The following KCND2 variants were observed in gnomAD, a reference collection of about 807,000 sequenced individuals.
The protein encoded by KCND2 is A-type voltage-gated potassium channel KCND2.
In KCND2, 16 loss-of-function variants were observed where a neutral mutation model predicts 54.4. That is an observed-to-expected ratio of 0.29 (90% CI 0.20 to 0.45). The LOEUF is 0.45. KCND2 is among the 20% of genes least tolerant of loss of function. The probability of loss-of-function intolerance (pLI) is 1.00; values close to 1 mark genes in which losing one functional copy is unlikely to be tolerated. For synonymous variants in KCND2, 317 were observed against 310.7 expected, an observed-to-expected ratio of 1.02 and a Z score of -0.21; for missense variants, 486 against 824.2, an observed-to-expected ratio of 0.59 and a Z score of 5.02.
rs1799859158 is a variant in KCND2 at position 120,319,359 on chromosome 7, T to C, written c.1115+43612T>C. Among the ~76,000 whole-genome samples the C allele has an allele frequency of 2.0e-5, 3 of 152,030 alleles. No homozygotes were observed. In the South Asian group the frequency reaches 6.2e-4, roughly 31 times the overall value. On this transcript the variant is annotated intron_variant, in intron 1 of 5. Transcript: ENST00000331113. ...TACACATTTTCAAACAAATATCAAG[T>C]AAAAAATGGGACACATACCTTGCAT...
intron 1 of KCND2, among the ~76,000 whole-genome samples, chr7:120,571,928 T>C (rs1792370973): frequency 6.6e-6 from 1 of 152,222 alleles, no homozygotes; most frequent in South Asian, 2.1e-4. Flanking sequence ...CTGATTAGAA[T>C]GGTAAAACTA....
intron 1 of KCND2, among the ~76,000 whole-genome samples, chr7:120,304,406 T>C (rs939967693): frequency 6.6e-6 from 1 of 152,186 alleles, no homozygotes; most frequent in Non-Finnish European, 1.5e-5. Context: ...ATAAGATTTT[T>C]CTTGGTGAGA....
At chr7:120,445,507 G>C (rs1266684688) in intron 1 of KCND2, among the ~76,000 whole-genome samples, 1 of 152,036 alleles carries the variant, frequency 6.6e-6, no homozygotes, top group Non-Finnish European at 1.5e-5. Context: ...TGCTGGACCT[G>C]TTTCCTTATT....
chr7:120,529,956 C>A (rs548667016), intron 1 of KCND2, among the ~76,000 whole-genome samples: 1 of 152,100 alleles, frequency 6.6e-6, no homozygotes, highest in East Asian at 1.9e-4. Flanking sequence ...TCCTGTGGTC[C>A]CAGTTACTCA....
chr7:120,671,217 T>G (rs1791989663), intron 1 of KCND2, among the ~76,000 whole-genome samples: 1 of 152,084 alleles, frequency 6.6e-6, no homozygotes, highest in Non-Finnish European at 1.5e-5. Context: ...TCCGGTTTCG[T>G]GGAAGACAGT....
At chr7:120,710,848 G>A (rs1035197182) in intron 1 of KCND2, among the ~76,000 whole-genome samples, 1 of 152,030 alleles carries the variant, frequency 6.6e-6, no homozygotes, top group East Asian at 1.9e-4. Context: ...ATTCATTCTC[G>A]ATAAGCTCAC....
chr7:120,619,855 G>A (rs1277356459), intron 1 of KCND2, among the ~76,000 whole-genome samples: 2 of 152,012 alleles, frequency 1.3e-5, no homozygotes, highest in African/African-American at 4.8e-5. Flanking sequence ...ATGATCTTTT[G>A]AAAATTGAAT....
chr7:120,507,867 T>C (rs1361550718), intron 1 of KCND2, among the ~76,000 whole-genome samples: 1 of 151,854 alleles, frequency 6.6e-6, no homozygotes, highest in Non-Finnish European at 1.5e-5. Context: ...TTATTTCCTA[T>C]GTTTAAGTTG....
At chr7:120,638,752 CAA>C (rs138608785) in intron 1 of KCND2, among the ~76,000 whole-genome samples, 1,641 of 152,174 alleles carry the variant, frequency 0.011, 9 homozygotes, top group Non-Finnish European at 0.015. Context: ...CTCTGGAAAT[CAA>C]AAGAGTACTT....
chr7:120,686,963 G>GAGAT (rs1435653632), intron 1 of KCND2, among the ~76,000 whole-genome samples: 2 of 152,076 alleles, frequency 1.3e-5, no homozygotes, highest in Non-Finnish European at 2.9e-5. Context: ...TTATTTTAGA[G>GAGAT]AGATAGCATA....
chr7:120,690,259 A>C (rs936220680), intron 1 of KCND2, among the ~76,000 whole-genome samples: 1 of 152,220 alleles, frequency 6.6e-6, no homozygotes, highest in Non-Finnish European at 1.5e-5. Context: ...TACCTTCTTT[A>C]GAATGGCTTT....
chr7:120,479,770 A>G (rs1348322033), intron 1 of KCND2, among the ~76,000 whole-genome samples: 3 of 139,876 alleles, frequency 2.1e-5, no homozygotes, highest in Non-Finnish European at 4.6e-5. Flanking sequence ...CTCTAAATAT[A>G]TATATATATA....
chr7:120,440,418 T>C (rs1801930778), intron 1 of KCND2, among the ~76,000 whole-genome samples: 1 of 152,102 alleles, frequency 6.6e-6, no homozygotes, highest in Non-Finnish European at 1.5e-5. Context: ...GTTGCAAATA[T>C]TTTCTTCTAT....
At chr7:120,491,348 G>A (rs1175533597) in intron 1 of KCND2, among the ~76,000 whole-genome samples, 2 of 152,050 alleles carry the variant, frequency 1.3e-5, no homozygotes, top group Non-Finnish European at 2.9e-5. Flanking sequence ...CTAATGTGTT[G>A]TTCCTACGAA....
chr7:120,501,279 T>C (rs1395936089), intron 1 of KCND2, among the ~76,000 whole-genome samples: 2 of 152,160 alleles, frequency 1.3e-5, no homozygotes, highest in Non-Finnish European at 2.9e-5. Context: ...AAAACAGAAC[T>C]TGTTCAGCAA....
chr7:120,545,694 G>C (rs1254125263), intron 1 of KCND2, among the ~76,000 whole-genome samples: 2 of 151,594 alleles, frequency 1.3e-5, no homozygotes, highest in East Asian at 3.9e-4. Flanking sequence ...GCAGAGAGTT[G>C]GTAGACTACA....
intron 1 of KCND2, among the ~76,000 whole-genome samples, chr7:120,523,277 A>G (rs1791722485): frequency 6.6e-6 from 1 of 152,144 alleles, no homozygotes; most frequent in Non-Finnish European, 1.5e-5. Context: ...CCACAAAAAT[A>G]ATTTTATGCA....
intron 1 of KCND2, among the ~76,000 whole-genome samples, chr7:120,672,208 C>T (rs937743608): frequency 7.2e-5 from 11 of 151,962 alleles, no homozygotes; most frequent in African/African-American, 2.7e-4. Flanking sequence ...ACTCCTGTTA[C>T]TCCTTCCTTT....
chr7:120,408,845 A>G (rs1418373349), intron 1 of KCND2, among the ~76,000 whole-genome samples: 8 of 151,970 alleles, frequency 5.3e-5, no homozygotes, highest in Non-Finnish European at 1.0e-4. Context: ...TTTGAAGACC[A>G]CTATCTACCA....
Sources: gnomAD v4.1 joint callset for allele counts (sites outside exome capture counted in the v4.1 genomes callset) on GRCh38, gnomAD v4.1.1 for gene constraint, MANE v1.5 for transcripts, NCBI Gene and HGNC (gene_info 2026-07-23, HGNC 2026-07-21) for gene names.